TMEM87A: variants seen among roughly 807,000 people sequenced by gnomAD.
TMEM87A encodes transmembrane protein 87A, also known as Golgi-pH regulating cation channel.
TMEM87A carries 50 observed loss-of-function variants against 90.0 expected under a neutral mutation model. That is an observed-to-expected ratio of 0.56 (90% CI 0.44 to 0.70). TMEM87A has a LOEUF of 0.70. Among genes scored for constraint, TMEM87A ranks in the 30% least tolerant of loss-of-function variants. The pLI, the probability that TMEM87A is intolerant of heterozygous loss-of-function variation, is 0.00. For missense variants in TMEM87A, 577 were observed against 660.5 expected (o/e 0.87, Z 1.39); for synonymous variants, 226 against 226.7 (o/e 1.00, Z 0.03).
intron 6 of TMEM87A, chr15:42,258,008 T>C: frequency 1.0e-6 from 1 of 973,724 alleles, no homozygotes; most frequent in Non-Finnish European, 1.2e-6. Context: ...ATACAATTCT[T>C]CTGAGATCAG....
At chr15:42,249,051 G>T (rs112302217) in intron 6 of TMEM87A, among the ~76,000 whole-genome samples, 3 of 152,178 alleles carry the variant, frequency 2.0e-5, no homozygotes, top group Non-Finnish European at 2.9e-5. Context: ...ATTTCTTCTA[G>T]ATTTTCTAGT....
chr15:42,217,912 C>CTTTT, intron 18 of TMEM87A, 79 bp from the exon 19 acceptor site: 2 of 1,381,922 alleles, frequency 1.4e-6, no homozygotes, highest in Non-Finnish European at 2.0e-6. Context: ...TGGAATAATG[C>CTTTT]AATTAAAAGC....
intron 10 of TMEM87A, among the ~76,000 whole-genome samples, chr15:42,234,413 C>T (rs1036675938): frequency 6.6e-6 from 1 of 152,182 alleles, no homozygotes; most frequent in Admixed American, 6.5e-5. Flanking sequence ...TTTTGTTATA[C>T]ATTGGGGAAA....
At chr15:42,235,598 A>T (rs2050755725) in intron 10 of TMEM87A, among the ~76,000 whole-genome samples, 1 of 152,050 alleles carries the variant, frequency 6.6e-6, no homozygotes, top group East Asian at 1.9e-4. Context: ...AGCAAATTCC[A>T]CTGGTTCCAC....
intron 12 of TMEM87A, among the ~76,000 whole-genome samples, chr15:42,230,376 A>C (rs1190609430): frequency 6.6e-6 from 1 of 152,226 alleles, no homozygotes; most frequent in Non-Finnish European, 1.5e-5. Context: ...CAAATTCACA[A>C]AACAATTTTG....
At chr15:42,239,830 G>T in intron 7 of TMEM87A, 99 bp from the exon 8 acceptor site, 1 of 1,026,848 alleles carries the variant, frequency 9.7e-7, no homozygotes, top group Non-Finnish European at 1.5e-6. Context: ...GAATTTCATT[G>T]GGTCATTTAC....
chr15:42,218,074 G>A, intron 18 of TMEM87A: 1 of 616,050 alleles, frequency 1.6e-6, no homozygotes, highest in Non-Finnish European at 2.8e-6. Context: ...TATAGCCCTG[G>A]AAAGGAACTA....
chr15:42,272,965 C>A (rs2051574661), intron 1 of TMEM87A: 1 of 585,664 alleles, frequency 1.7e-6, no homozygotes, highest in Non-Finnish European at 3.2e-6. Context: ...GTTTGTACAT[C>A]AAGTTTACAT....
At chr15:42,228,852 G>A (rs1566926308) in intron 12 of TMEM87A, 32 bp from the exon 13 acceptor site, 1 of 1,481,576 alleles carries the variant, frequency 6.7e-7, no homozygotes, top group Admixed American at 2.2e-5. Context: ...CAACATTCAG[G>A]AAAAAACAGT....
intron 6 of TMEM87A, among the ~76,000 whole-genome samples, chr15:42,245,585 T>C (rs1025727925): frequency 6.8e-6 from 1 of 146,898 alleles, no homozygotes; most frequent in African/African-American, 2.6e-5. Context: ...AGTACAGCAG[T>C]GCAATCTTGG....
rs139879106 is a variant in TMEM87A, at chr15:42,264,144, T to C, written c.351A>G (p.Lys117=). Residue 117 remains lysine (K), a synonymous_variant, in exon 4 of 20, where the codon AAA becomes AAG. Coordinates refer to ENST00000389834, the MANE Select transcript of TMEM87A (RefSeq NM_015497.5). ...KLKEKRGLSG[K]YQTSSKLFQN... ...GGAACAATTTTGATGATGTTTGATA[T>C]TTCCCAGACAAGCCTCTTTTTTCCT... The C allele has an allele frequency of 1.2e-6, 2 of 1,613,898 alleles. No individual in the cohort carries two copies. The highest frequency in any genetic ancestry group is 4.5e-5 in the East Asian group (2 of 44,794).
At chr15:42,220,038 A>T in intron 16 of TMEM87A, 24 bp downstream of exon 16, 1 of 1,560,648 alleles carries the variant, frequency 6.4e-7, no homozygotes, top group Non-Finnish European at 8.7e-7. Flanking sequence ...TAAAGTACTA[A>T]TAAGAGGTGA....
intron 10 of TMEM87A, among the ~76,000 whole-genome samples, chr15:42,235,062 G>A (rs1459450881): frequency 1.3e-5 from 2 of 152,132 alleles, no homozygotes; most frequent in Non-Finnish European, 2.9e-5. Flanking sequence ...CTTTGGAGAT[G>A]GAGTCTCGTT....
chr15:42,253,018 A>G (rs923856463), intron 6 of TMEM87A, among the ~76,000 whole-genome samples: 1 of 152,106 alleles, frequency 6.6e-6, no homozygotes, highest in African/African-American at 2.4e-5. Context: ...GCATTCTTAG[A>G]CCTGTGTGGC....
chr15:42,273,513 C>T (rs752596908), upstream of TMEM87A: 45 of 1,507,444 alleles, frequency 3.0e-5, no homozygotes, highest in Non-Finnish European at 3.7e-5. Flanking sequence ...CGTCGCGGAG[C>T]TTGTTTGCTG....
At chr15:42,252,291 C>CCT (rs1566936562) in intron 6 of TMEM87A, among the ~76,000 whole-genome samples, 1 of 152,206 alleles carries the variant, frequency 6.6e-6, no homozygotes, top group Non-Finnish European at 1.5e-5. Context: ...GAGCCAGGTA[C>CCT]CTCAGTTGGA....
chr15:42,242,559 A>T (rs1012442034), intron 7 of TMEM87A, among the ~76,000 whole-genome samples: 2 of 151,394 alleles, frequency 1.3e-5, no homozygotes, highest in Non-Finnish European at 2.9e-5. Context: ...GAGGGAGGAG[A>T]GGAAGAGAAA....
chr15:42,244,750 C>A (rs2050940174), intron 6 of TMEM87A, among the ~76,000 whole-genome samples: 1 of 144,672 alleles, frequency 6.9e-6, no homozygotes, highest in Non-Finnish European at 1.5e-5. Flanking sequence ...TCTCCAAGTC[C>A]TTGACTTTGA....
At chr15:42,239,414 A>G (rs1482902292) in intron 8 of TMEM87A, among the ~76,000 whole-genome samples, 1 of 152,142 alleles carries the variant, frequency 6.6e-6, no homozygotes, top group African/African-American at 2.4e-5. Context: ...CATCCTAGAG[A>G]GAATGTGAGA....
Sources: allele counts gnomAD v4.1 joint callset (sites outside exome capture counted in the v4.1 genomes callset), GRCh38; gene constraint gnomAD v4.1.1; transcripts MANE v1.5; gene names NCBI Gene and HGNC (gene_info 2026-07-23, HGNC 2026-07-21).